Variants in EML6 observed in about 807,000 individuals in gnomAD.
EML6 encodes the protein echinoderm microtubule-associated protein-like 6.
EML6 carries 154 observed loss-of-function variants against 240.1 expected under a neutral mutation model. That is an observed-to-expected ratio of 0.64 (90% CI 0.56 to 0.73). The LOEUF is 0.73. EML6 is among the 30% of genes least tolerant of loss of function. The pLI is 0.00. For missense variants in EML6, 2,964 were observed against 2,474.6 expected (o/e 1.20, Z -4.20); for synonymous variants, 1,148 against 899.0 (o/e 1.28, Z -4.95).
chr2:54,930,419 T>C (rs1446563975), intron 28 of EML6, among the ~76,000 whole-genome samples: 3 of 152,210 alleles, frequency 2.0e-5, no homozygotes, highest in Non-Finnish European at 2.9e-5. Flanking sequence ...CCTAAGAATT[T>C]TTCATTTTAA....
intron 17 of EML6, chr2:54,882,516 T>C (rs1480986253): frequency 1.3e-5 from 2 of 152,038 alleles, no homozygotes; most frequent in African/African-American, 4.8e-5. Flanking sequence ...AAAAGAATTA[T>C]CAACAAGAAC....
At chr2:54,802,982 C>T (rs904111056) in intron 2 of EML6, among the ~76,000 whole-genome samples, 1 of 152,144 alleles carries the variant, frequency 6.6e-6, no homozygotes, top group Non-Finnish European at 1.5e-5. Flanking sequence ...GTTTCCAGTT[C>T]TGGGAACTTG....
intron 13 of EML6, among the ~76,000 whole-genome samples, chr2:54,864,852 A>C (rs187006289): frequency 4.1e-4 from 63 of 152,360 alleles, no homozygotes; most frequent in African/African-American, 1.4e-3. Context: ...GCCCATAATC[A>C]TCAGTCATTG....
chr2:54,935,913 C>A (rs966603871), intron 28 of EML6, among the ~76,000 whole-genome samples: 1 of 151,972 alleles, frequency 6.6e-6, no homozygotes, highest in Non-Finnish European at 1.5e-5. Flanking sequence ...TCTTATAATC[C>A]CAGCTACTCA....
At chr2:54,902,958 C>T in intron 22 of EML6, 86 bp from the exon 23 acceptor site, 2 of 1,260,606 alleles carry the variant, frequency 1.6e-6, no homozygotes, top group East Asian at 2.5e-5. Flanking sequence ...ACATAATGCA[C>T]ATCATCAGAT....
At chr2:54,805,423 A>G (rs933536235) in intron 2 of EML6, among the ~76,000 whole-genome samples, 9 of 152,214 alleles carry the variant, frequency 5.9e-5, no homozygotes, top group Non-Finnish European at 1.0e-4. Flanking sequence ...TATTAGCAAT[A>G]TATATGCATT....
chr2:54,765,087 T>C (rs1414757199), intron 2 of EML6, among the ~76,000 whole-genome samples: 2 of 152,176 alleles, frequency 1.3e-5, no homozygotes, highest in Non-Finnish European at 2.9e-5. Context: ...CGTAATAATA[T>C]ATTTTCTGGA....
At chr2:54,869,082 C>T (rs922653385) in intron 14 of EML6, 99 bp from the exon 15 acceptor site, 2 of 722,042 alleles carry the variant, frequency 2.8e-6, no homozygotes, top group Non-Finnish European at 4.5e-6. Context: ...TCCACTTGTA[C>T]ATGTTCACGT....
At chr2:54,800,480 A>G (rs1670072347) in intron 2 of EML6, among the ~76,000 whole-genome samples, 1 of 152,248 alleles carries the variant, frequency 6.6e-6, no homozygotes, top group Admixed American at 6.5e-5. Context: ...TTAAGCATCA[A>G]ACATATCCTA....
intron 7 of EML6, among the ~76,000 whole-genome samples, chr2:54,832,774 A>G (rs141655015): frequency 0.017 from 2,658 of 152,096 alleles, 42 homozygotes; most frequent in Non-Finnish European, 0.025. Flanking sequence ...CCTTCCCTCA[A>G]AGAAGGCTTG....
At chr2:54,835,071 T>A (rs1669067997) in intron 7 of EML6, among the ~76,000 whole-genome samples, 1 of 152,180 alleles carries the variant, frequency 6.6e-6, no homozygotes, top group Admixed American at 6.5e-5. Flanking sequence ...CCTGTGACAC[T>A]CTTGCCTAGA....
intron 5 of EML6, among the ~76,000 whole-genome samples, chr2:54,826,293 G>C (rs563383838): frequency 6.6e-5 from 10 of 152,242 alleles, no homozygotes; most frequent in South Asian, 2.1e-4. Flanking sequence ...ATAACCTGAG[G>C]GGGGGCTATA....
At chr2:54,864,015 G>C (rs1255362348) in intron 13 of EML6, 126 bp downstream of exon 13, 1 of 583,648 alleles carries the variant, frequency 1.7e-6, no homozygotes, top group Non-Finnish European at 3.0e-6. Flanking sequence ...AAGAAAAATA[G>C]TCTACTTTGT....
At chr2:54,788,504 A>G (rs568275712) in intron 2 of EML6, among the ~76,000 whole-genome samples, 3 of 152,322 alleles carry the variant, frequency 2.0e-5, no homozygotes, top group South Asian at 2.1e-4. Flanking sequence ...GAGAAACACT[A>G]TAAACATCTG....
intron 41 of EML6, among the ~76,000 whole-genome samples, chr2:54,969,186 T>C (rs1254836342): frequency 6.6e-6 from 1 of 152,222 alleles, no homozygotes; most frequent in Non-Finnish European, 1.5e-5. Context: ...TGTTGGGAAT[T>C]TCTTTATTTA....
At chr2:54,930,416 AT>A (rs1300638966) in intron 28 of EML6, among the ~76,000 whole-genome samples, 2 of 152,166 alleles carry the variant, frequency 1.3e-5, no homozygotes, top group African/African-American at 4.8e-5. Flanking sequence ...GACCCTAAGA[AT>A]TTTTCATTTT....
rs1558727180 is a variant in EML6 at position 54,959,099 on chromosome 2, T to C, written c.4696-5T>C. The C allele has an allele frequency of 3.9e-6, 6 of 1,548,794 alleles. No individual in the cohort carries two copies. The highest frequency in any genetic ancestry group is 5.2e-6 in the Non-Finnish European group (6 of 1,145,822). On this transcript the variant is annotated splice_polypyrimidine_tract_variant and splice_region_variant and intron_variant, in intron 33 of 41. Coordinates refer to ENST00000356458, the MANE Select transcript of EML6 (RefSeq NM_001039753.4). ...CGGGTGTAGAAGATGTTGTTTTGTT[T>C]ACAGAACAATCTCACTTTCACGGGT... is the stretch of plus-strand genomic sequence containing the variant.
chr2:54,783,133 C>T (rs890602514), intron 2 of EML6, among the ~76,000 whole-genome samples: 4 of 152,184 alleles, frequency 2.6e-5, no homozygotes, highest in East Asian at 1.9e-4. Context: ...ATAAAAGTTA[C>T]ATCATACTGT....
intron 17 of EML6, among the ~76,000 whole-genome samples, chr2:54,887,108 C>T (rs1423890313): frequency 6.6e-6 from 1 of 152,334 alleles, no homozygotes; most frequent in Non-Finnish European, 1.5e-5. Context: ...CCCTTTTGTA[C>T]ACTACTGCCC....
Sources: gnomAD v4.1 joint callset for allele counts (sites outside exome capture counted in the v4.1 genomes callset) on GRCh38, gnomAD v4.1.1 for gene constraint, MANE v1.5 for transcripts, NCBI Gene and HGNC (gene_info 2026-07-23, HGNC 2026-07-21) for gene names.